The following SPACA7 variants were observed in gnomAD, a reference collection of about 807,000 sequenced individuals.
SPACA7 encodes the protein sperm acrosome associated 7, also known as sperm acrosome-associated protein 7.
In SPACA7, 19 loss-of-function variants were observed where a neutral mutation model predicts 26.3. That is an observed-to-expected ratio of 0.72 (90% confidence interval 0.50 to 1.06). SPACA7 has a LOEUF of 1.06. Ranked by LOEUF, SPACA7 falls within the 50% of genes least tolerant of loss-of-function variation. The pLI is 0.00. For missense variants in SPACA7, 211 were observed against 229.9 expected (o/e 0.92, Z 0.53); for synonymous variants, 84 against 84.5 (o/e 0.99, Z 0.04).
intron 5 of SPACA7, among the ~76,000 whole-genome samples, chr13:112,426,514 C>T (rs754734602): frequency 8.5e-5 from 13 of 152,220 alleles, no homozygotes; most frequent in Non-Finnish European, 1.6e-4. Flanking sequence ...GCCATCTTAA[C>T]AATTTCCAGT....
intron 1 of SPACA7, among the ~76,000 whole-genome samples, chr13:112,391,288 T>C (rs1427725573): frequency 6.6e-6 from 1 of 152,186 alleles, no homozygotes; most frequent in East Asian, 1.9e-4. Flanking sequence ...ACGAGGAACA[T>C]TGGGTTTCCT....
At chr13:112,398,447 T>C (rs28490125) in intron 3 of SPACA7, among the ~76,000 whole-genome samples, 85,191 of 150,246 alleles carry the variant, frequency 0.57, 24,103 homozygotes, top group South Asian at 0.66. Context: ...CTGAGAACCC[T>C]GCACTAACCA....
intron 5 of SPACA7, among the ~76,000 whole-genome samples, chr13:112,420,806 G>T (rs966019568): frequency 1.6e-4 from 25 of 152,026 alleles, no homozygotes; most frequent in African/African-American, 5.5e-4. Flanking sequence ...TAAAAAGAGG[G>T]TATATTGAAG....
chr13:112,422,708 A>C (rs1021939921), intron 5 of SPACA7, among the ~76,000 whole-genome samples: 7 of 152,344 alleles, frequency 4.6e-5, no homozygotes, highest in South Asian at 2.1e-4. Flanking sequence ...TGCGCAAAGA[A>C]GTCACAAGGG....
rs148208558 is a variant in SPACA7 at position 112,376,434 on chromosome 13, T to C, written c.49T>C (p.Cys17Arg). Residue 17 changes from cysteine to arginine, a missense_variant, in exon 1 of 7, where the codon TGC (cysteine) becomes CGC (arginine). Coordinates refer to ENST00000283550, the MANE Select transcript of SPACA7 (RefSeq NM_145248.5). ...DGTLCFVLLL[C>R]CWQETELRPR... is the part of the protein sequence containing the mutation. ...GACCCTCTGCTTTGTCCTCCTGCTG[T>C]GCTGTTGGCAAGAAACTGAGCTCCG... 470 of 1,613,788 alleles carry C rather than the reference T, an allele frequency of 2.9e-4. No homozygotes were observed. The highest frequency in any genetic ancestry group is 3.3e-4 in the Non-Finnish European group (390 of 1,179,942).
intron 5 of SPACA7, among the ~76,000 whole-genome samples, chr13:112,413,361 A>G (rs372327198): frequency 4.5e-5 from 5 of 112,014 alleles, no homozygotes; most frequent in African/African-American, 2.0e-4. Context: ...TCTTGGTTGG[A>G]AGAGTTGTTT....
At chr13:112,387,282 C>G (rs1884587132) in intron 1 of SPACA7, among the ~76,000 whole-genome samples, 1 of 152,194 alleles carries the variant, frequency 6.6e-6, no homozygotes, top group Non-Finnish European at 1.5e-5. Flanking sequence ...CAAGGTTAAG[C>G]TCTTAAGGAC....
chr13:112,418,040 C>A (rs867188795), intron 5 of SPACA7, among the ~76,000 whole-genome samples: 74 of 152,208 alleles, frequency 4.9e-4, no homozygotes, highest in African/African-American at 1.8e-3. Flanking sequence ...TAGGCAGCTG[C>A]CATAGTCCTT....
chr13:112,411,834 C>T (rs1886371137), intron 5 of SPACA7, among the ~76,000 whole-genome samples: 1 of 152,092 alleles, frequency 6.6e-6, no homozygotes, highest in Non-Finnish European at 1.5e-5. Flanking sequence ...TTTCTTTATT[C>T]GTTTATCCAC....
intron 1 of SPACA7, among the ~76,000 whole-genome samples, chr13:112,388,615 C>A (rs1884682517): frequency 6.6e-6 from 1 of 152,200 alleles, no homozygotes; most frequent in African/African-American, 2.4e-5. Flanking sequence ...CAGTATTGTA[C>A]AAGCCCCCAA....
Position 112,393,867 on chromosome 13 carries a change from T to C in SPACA7, c.151+790T>C, listed in dbSNP as rs1217781622. ...TGGGCGTGGTGATGTGTGCCTGTAGTCCCAACCACTTGAGAGGCTGAGACA... is the reference window on the plus strand; with the variant it reads ...TGGGCGTGGTGATGTGTGCCTGTAGCCCCAACCACTTGAGAGGCTGAGACA... On this transcript the variant is annotated intron_variant, in intron 2 of 6. Transcript: ENST00000283550. 4.6e-5 allele frequency among the ~76,000 whole-genome samples: 7 copies of C among 151,788 alleles called. No individual in the cohort carries two copies. In the East Asian group the frequency reaches 1.4e-3, roughly 30 times the overall value.
chr13:112,409,056 T>C (rs112361881), intron 5 of SPACA7, among the ~76,000 whole-genome samples: 2 of 151,986 alleles, frequency 1.3e-5, no homozygotes. Context: ...TCAGAAATAA[T>C]ACCACACATC....
At chr13:112,388,557 C>T (rs1884677866) in intron 1 of SPACA7, among the ~76,000 whole-genome samples, 1 of 152,184 alleles carries the variant, frequency 6.6e-6, no homozygotes, top group South Asian at 2.1e-4. Context: ...GCTTCTGGAT[C>T]CATTGTTGAA....
intron 5 of SPACA7, among the ~76,000 whole-genome samples, chr13:112,422,178 C>T (rs1220859124): frequency 6.6e-6 from 1 of 152,086 alleles, no homozygotes; most frequent in Non-Finnish European, 1.5e-5. Context: ...TTCAAAACAA[C>T]ATTATCAAAG....
rs142862728 is a variant in SPACA7, at chr13:112,396,600, A to T, written c.152-1449A>T. 3.3e-3 allele frequency among the ~76,000 whole-genome samples: 506 copies of T among 152,280 alleles called. 1 individual carries two copies. Among genetic ancestry groups the T allele is most frequent in the African/African-American group, 0.012 (483 of 41,560 alleles). ...CAGTAAATGCTTGCCATTCAAATGC[A>T]TATCCACTCTTCTCCAAGACCCCTA... On this transcript the variant is annotated intron_variant, in intron 2 of 6. Transcript: ENST00000283550.
At chr13:112,407,596 G>A (rs1342814282) in intron 5 of SPACA7, among the ~76,000 whole-genome samples, 3 of 151,994 alleles carry the variant, frequency 2.0e-5, no homozygotes, top group African/African-American at 7.2e-5. Flanking sequence ...ACACCTCTAC[G>A]CAAATAAACT....
chr13:112,422,738 C>T (rs1241024343), intron 5 of SPACA7, among the ~76,000 whole-genome samples: 1 of 152,142 alleles, frequency 6.6e-6, no homozygotes, highest in Non-Finnish European at 1.5e-5. Flanking sequence ...AATGTTTAAC[C>T]CTTTTCCCAT....
At chr13:112,410,072 T>G (rs9577359) in intron 5 of SPACA7, among the ~76,000 whole-genome samples, 12,402 of 152,094 alleles carry the variant, frequency 0.082, 1,104 homozygotes, top group East Asian at 0.28. Flanking sequence ...TGTAGGGACA[T>G]GGATGAAACT....
chr13:112,410,344 A>G (rs1886268659), intron 5 of SPACA7, among the ~76,000 whole-genome samples: 1 of 151,948 alleles, frequency 6.6e-6, no homozygotes, highest in Non-Finnish European at 1.5e-5. Context: ...GTGCACATGT[A>G]CCCTAGAACT....
Sources: allele counts gnomAD v4.1 joint callset (sites outside exome capture counted in the v4.1 genomes callset), GRCh38; gene constraint gnomAD v4.1.1; transcripts MANE v1.5; gene names NCBI Gene and HGNC (gene_info 2026-07-23, HGNC 2026-07-21).